The following HECTD4 variants were observed in gnomAD, a reference collection of about 807,000 sequenced individuals.
HECTD4 encodes probable E3 ubiquitin-protein ligase HECTD4.
In HECTD4, 114 loss-of-function variants were observed where a neutral mutation model predicts 471.5. The observed-to-expected ratio is 0.24, with a 90% confidence interval of 0.21 to 0.28. The LOEUF (loss-of-function observed/expected upper bound fraction) is 0.28. Among genes scored for constraint, HECTD4 ranks in the 10% least tolerant of loss-of-function variants. The pLI, the probability that HECTD4 is intolerant of heterozygous loss-of-function variation, is 1.00. For missense variants in HECTD4, 3,866 were observed against 5,651.5 expected, an observed-to-expected ratio of 0.68 and a Z score of 10.13; for synonymous variants, 2,012 against 2,256.0, an observed-to-expected ratio of 0.89 and a Z score of 3.07.
chr12:112,243,353 C>T lies in HECTD4; in HGVS notation c.4958G>A (p.Arg1653Lys). 1 of 1,610,170 alleles carries T rather than the reference C, an allele frequency of 6.2e-7. No homozygotes were observed. The highest frequency in any genetic ancestry group is 8.5e-7 in the Non-Finnish European group (1 of 1,177,966). The change falls in exon 32 of 76, where the codon AGA becomes AAA. Residue 1653 changes from arginine to lysine, a missense_variant and splice_region_variant. By Grantham distance (26) the Arg-to-Lys change is conservative. Coordinates refer to ENST00000682272, the MANE Select transcript of HECTD4 (RefSeq NM_001388303.1). The surrounding 1 kb of genome is among the most constrained non-coding windows in gnomAD (Gnocchi z 6.6). ...GTATAAACTAACAGAAACAACTAAC[C>T]TGGGTCCTCCCTGAAGGACCATCGT... is the stretch of plus-strand genomic sequence containing the variant. ...PVTMVLQGGP[R>K]IEELTCGGMV...
At chr12:112,316,961 T>C (rs1451332889) in intron 2 of HECTD4, among the ~76,000 whole-genome samples, 5 of 152,210 alleles carry the variant, frequency 3.3e-5, no homozygotes, top group Non-Finnish European at 5.9e-5. Flanking sequence ...TCAATAACTA[T>C]TTTTGGTATA....
intron 8 of HECTD4, among the ~76,000 whole-genome samples, chr12:112,280,027 A>G (rs558266978): frequency 8.5e-5 from 13 of 152,308 alleles, no homozygotes; most frequent in Admixed American, 5.2e-4. Flanking sequence ...TTTGGGATGA[A>G]CAACCTATAT....
chr12:112,377,451 T>C (rs2036803523), intron 1 of HECTD4, among the ~76,000 whole-genome samples: 1 of 152,200 alleles, frequency 6.6e-6, no homozygotes, highest in South Asian at 2.1e-4. Flanking sequence ...TTTTATTTTA[T>C]CCACTGCTAT....
intron 5 of HECTD4, among the ~76,000 whole-genome samples, chr12:112,309,128 A>T (rs749480395): frequency 6.6e-6 from 1 of 152,272 alleles, no homozygotes; most frequent in Non-Finnish European, 1.5e-5. Flanking sequence ...ATCTAAATGT[A>T]TACAAGGCTT....
intron 29 of HECTD4, among the ~76,000 whole-genome samples, chr12:112,245,707 G>C (rs1034880485): frequency 6.6e-6 from 1 of 152,258 alleles, no homozygotes; most frequent in Non-Finnish European, 1.5e-5. Flanking sequence ...TTTCATTTAA[G>C]AACTTGTTTA....
chr12:112,168,405 T>C (rs528697350), intron 70 of HECTD4, among the ~76,000 whole-genome samples: 21 of 152,252 alleles, frequency 1.4e-4, no homozygotes, highest in Admixed American at 1.3e-4. Context: ...TGGACAAATG[T>C]GTGAATGTGC....
intron 29 of HECTD4, 34 bp downstream of exon 29, chr12:112,246,867 C>T: frequency 6.3e-7 from 1 of 1,588,074 alleles, no homozygotes; most frequent in Non-Finnish European, 8.6e-7. Context: ...GTTCATATAA[C>T]AGAAGCCGAT....
In HECTD4 at chr12:112,229,672, G is replaced by A. The variant is rs778325337; in HGVS notation, c.6519+26C>T. 8 of 1,593,200 alleles carry A rather than the reference G, an allele frequency of 5.0e-6. No homozygotes were observed. The South Asian group carries it at 7.8e-5, about 16-fold the overall frequency. On this transcript the variant is annotated intron_variant, in intron 41 of 75. Transcript: ENST00000682272. ...TGCTTATATATATGGGGGAAGCAATGATTTGGGGAACATGGTGGTTGGTAC... is the reference window on the plus strand; with the variant it reads ...TGCTTATATATATGGGGGAAGCAATAATTTGGGGAACATGGTGGTTGGTAC...
At position 112,382,087 on chromosome 12, in the gene HECTD4, GGCCGCCGCCGCCGCC is replaced by G. The variant is rs890653160; in HGVS notation, c.27_41del (p.Ala11_Ala15del). 1.6e-6 allele frequency: 2 copies of G among 1,225,298 alleles called. No individual in the cohort carries two copies. The highest frequency in any genetic ancestry group is 2.0e-6 in the Non-Finnish European group (2 of 984,736). 75.9% of individuals were successfully genotyped at this position (1,225,298 alleles called of 1,614,324 possible). A position where few individuals can be genotyped will look rare whatever the true frequency, so the allele number is the denominator to read the frequency against. On this transcript the variant is annotated inframe_deletion, in exon 1 of 76. Coordinates refer to ENST00000682272, the MANE Select transcript of HECTD4 (RefSeq NM_001388303.1). ...CCGAGAGCCACTGCGCCGAGTCAGC[GGCCGCCGCCGCCGCC>G]GCCGCCGCGGCCGCCGACGAGCCCA...
chr12:112,290,529 A>AAAT (rs200122989), intron 7 of HECTD4, among the ~76,000 whole-genome samples: 1,690 of 151,978 alleles, frequency 0.011, 17 homozygotes, highest in Admixed American at 0.024. Context: ...CTGTCTCAAA[A>AAAT]AATAATAATA....
At chr12:112,267,819 CAT>C (rs1434901798) in intron 13 of HECTD4, among the ~76,000 whole-genome samples, 2 of 151,996 alleles carry the variant, frequency 1.3e-5, no homozygotes, top group Non-Finnish European at 2.9e-5. Context: ...TATATGTGTG[CAT>C]GTGTGTGTTT....
intron 1 of HECTD4, among the ~76,000 whole-genome samples, chr12:112,368,185 G>C (rs2036603237): frequency 6.6e-6 from 1 of 152,138 alleles, no homozygotes; most frequent in Non-Finnish European, 1.5e-5. Context: ...GCAGGTTTTA[G>C]TAAAAGCGCT....
At chr12:112,321,631 T>C (rs1291883082) in intron 1 of HECTD4, 1 of 152,180 alleles carries the variant, frequency 6.6e-6, no homozygotes, top group Non-Finnish European at 1.5e-5. Context: ...CTCTTTTATC[T>C]CAAATTTTGC....
At chr12:112,186,012 G>A (rs1350092849) in intron 60 of HECTD4, among the ~76,000 whole-genome samples, 1 of 152,136 alleles carries the variant, frequency 6.6e-6, no homozygotes, top group Non-Finnish European at 1.5e-5. Context: ...TTGAGACAGG[G>A]TCTTGCTCTG....
chr12:112,324,417 G>A (rs1307740089), intron 1 of HECTD4, among the ~76,000 whole-genome samples: 1 of 151,956 alleles, frequency 6.6e-6, no homozygotes, highest in Admixed American at 6.6e-5. Context: ...ACTGCGCTCA[G>A]CTACTTACTT....
intron 65 of HECTD4, among the ~76,000 whole-genome samples, chr12:112,176,231 C>A (rs2031441956): frequency 6.6e-6 from 1 of 152,274 alleles, no homozygotes; most frequent in Non-Finnish European, 1.5e-5. Context: ...CCAGCACAGG[C>A]CGCTAGCTTA....
rs747754069 is a variant in HECTD4 at position 112,219,393 on chromosome 12, C to T, written c.7067G>A (p.Arg2356Gln). Residue 2356 changes from arginine (R) to glutamine (Q), a missense_variant, in exon 45 of 76, where the codon CGA becomes CAA. By Grantham distance (43) the Arg-to-Gln change is conservative (BLOSUM62 1). Around this residue, in one of 16 missense-constraint regions of HECTD4, gnomAD observed 617 missense variants for 915.1 expected, o/e 0.67. Transcript: ENST00000682272. ...RPPPPPLQAD[R>Q]RQPKEITWSP... ...GCACCGCAGAGGGCTCACCTGTCTTCGGTCAGCCTGCAAAGGAGGTGGTGG... is the reference window on the plus strand; with the variant it reads ...GCACCGCAGAGGGCTCACCTGTCTTTGGTCAGCCTGCAAAGGAGGTGGTGG... 9.2e-5 allele frequency: 148 copies of T among 1,612,780 alleles called. No individual in the cohort carries two copies. Among genetic ancestry groups the T allele is most frequent in the Non-Finnish European group, 1.2e-4 (141 of 1,179,178 alleles).
intron 37 of HECTD4, among the ~76,000 whole-genome samples, chr12:112,233,763 A>G (rs1449746145): frequency 6.6e-6 from 1 of 152,180 alleles, no homozygotes; most frequent in Non-Finnish European, 1.5e-5. Flanking sequence ...TAACGACACC[A>G]TAGATGTGAT....
intron 1 of HECTD4, among the ~76,000 whole-genome samples, chr12:112,338,534 C>A (rs566419161): frequency 1.3e-5 from 2 of 152,024 alleles, no homozygotes; most frequent in African/African-American, 2.4e-5. Context: ...GGCAGAGAAT[C>A]GCTTGAACCC....
Sources: allele counts gnomAD v4.1 joint callset (sites outside exome capture counted in the v4.1 genomes callset), GRCh38; gene constraint gnomAD v4.1.1; regional missense constraint gnomAD v4.1.1; non-coding constraint Gnocchi (gnomAD v3.1); transcripts MANE v1.5; gene names NCBI Gene and HGNC (gene_info 2026-07-23, HGNC 2026-07-21).